Variants in PDE4D observed in about 807,000 individuals in gnomAD.
PDE4D encodes phosphodiesterase 4D, also known as 3',5'-cyclic-AMP phosphodiesterase 4D.
Under a neutral mutation model 87.4 loss-of-function variants are expected in PDE4D, and 24 were observed. That is an observed-to-expected ratio of 0.27 (90% CI 0.20 to 0.39). The LOEUF (loss-of-function observed/expected upper bound fraction) is 0.39, where lower values mean the gene tolerates loss of function less well. Ranked by LOEUF, PDE4D falls within the 10% of genes least tolerant of loss-of-function variation. PDE4D has a pLI of 1.00. For synonymous variants in PDE4D, 384 were observed against 383.2 expected (o/e 1.00, Z -0.02); for missense variants, 714 against 1,041.0 (o/e 0.69, Z 4.32).
At chr5:59,829,262 T>G (rs1423588872) in intron 1 of PDE4D, among the ~76,000 whole-genome samples, 5 of 152,070 alleles carry the variant, frequency 3.3e-5, no homozygotes, top group Admixed American at 6.6e-5. Flanking sequence ...GATACTTTTT[T>G]TGGTTTATTT....
At chr5:59,559,539 A>G (rs1234279205) in intron 1 of PDE4D, among the ~76,000 whole-genome samples, 1 of 152,314 alleles carries the variant, frequency 6.6e-6, no homozygotes, top group East Asian at 1.9e-4. Context: ...TCTTGGATAT[A>G]AGCCACAGAT....
At chr5:60,023,104 C>T (rs894454709) in intron 2 of PDE4D, among the ~76,000 whole-genome samples, 8 of 152,092 alleles carry the variant, frequency 5.3e-5, no homozygotes, top group African/African-American at 9.7e-5. Context: ...CTTGTTTGTA[C>T]GACCTCTCTG....
chr5:59,006,577 G>T (rs529224565), intron 6 of PDE4D, among the ~76,000 whole-genome samples: 2 of 150,344 alleles, frequency 1.3e-5, no homozygotes, highest in Non-Finnish European at 3.0e-5. Flanking sequence ...GCAAGACCTT[G>T]TCTCAAAAAA....
chr5:59,481,838 A>G (rs1804314533), intron 1 of PDE4D, among the ~76,000 whole-genome samples: 1 of 152,056 alleles, frequency 6.6e-6, no homozygotes, highest in South Asian at 2.1e-4. Flanking sequence ...TACAACCTCC[A>G]AAAAATGTCT....
intron 1 of PDE4D, among the ~76,000 whole-genome samples, chr5:60,278,102 T>C (rs1751553737): frequency 2.6e-5 from 4 of 152,208 alleles, no homozygotes; most frequent in Admixed American, 2.6e-4. Flanking sequence ...GCCATTCTTT[T>C]ACAGCAGATC....
rs60232413 is a variant in PDE4D, at chr5:60,322,367, TACACACACACACACACAC to T, written c.-89-136698_-89-136681del. 7.8e-4 allele frequency among the ~76,000 whole-genome samples: 104 copies of T among 132,814 alleles called. 1 individual carries two copies. Among genetic ancestry groups the T allele is most frequent in the African/African-American group, 2.1e-3 (77 of 36,840 alleles). The allele number at this position is 132,814 out of a possible 152,430, so 87.1% of individuals were successfully genotyped here. A position where few individuals can be genotyped will look rare whatever the true frequency, so the allele number is the denominator to read the frequency against. ...AACATTGAATATATATGGACACACA[TACACACACACACACACAC>T]ACACACACACACACACACACACACA... On this transcript the variant is annotated intron_variant, in intron 1 of 16. Coordinates refer to the PDE4D transcript ENST00000502484.
At chr5:59,544,270 C>A (rs1433818057) in intron 1 of PDE4D, among the ~76,000 whole-genome samples, 1 of 152,200 alleles carries the variant, frequency 6.6e-6, no homozygotes, top group African/African-American at 2.4e-5. Flanking sequence ...TAGTTCTACC[C>A]ATGCCAGAGG....
At chr5:60,022,179 AT>A (rs10709843) in intron 2 of PDE4D, among the ~76,000 whole-genome samples, 75,809 of 151,932 alleles carry the variant, frequency 0.5, 19,419 homozygotes, top group East Asian at 0.82. Flanking sequence ...TTTAAAGGTC[AT>A]TTTTTGTAGC....
At chr5:59,552,878 A>G (rs1818346247) in intron 1 of PDE4D, among the ~76,000 whole-genome samples, 1 of 152,196 alleles carries the variant, frequency 6.6e-6, no homozygotes, top group African/African-American at 2.4e-5. Context: ...AGATTGGTTG[A>G]GGGACTTCCT....
intron 1 of PDE4D, among the ~76,000 whole-genome samples, chr5:60,470,525 T>C (rs1747733677): frequency 6.6e-6 from 1 of 152,314 alleles, no homozygotes; most frequent in Admixed American, 6.5e-5. Flanking sequence ...GGACTTGCAT[T>C]GCTAAAGAGA....
intron 1 of PDE4D, among the ~76,000 whole-genome samples, chr5:60,344,447 T>C (rs1441775124): frequency 6.6e-6 from 1 of 152,108 alleles, no homozygotes; most frequent in Non-Finnish European, 1.5e-5. Flanking sequence ...CAATCTCTTA[T>C]AGAGTAGAAA....
intron 1 of PDE4D, among the ~76,000 whole-genome samples, chr5:60,318,603 G>A (rs1388711096): frequency 6.6e-6 from 1 of 152,194 alleles, no homozygotes; most frequent in Non-Finnish European, 1.5e-5. Context: ...AATTTGGCAT[G>A]TTTTTGCAGT....
At chr5:59,464,275 G>T (rs151100631) in intron 1 of PDE4D, among the ~76,000 whole-genome samples, 2,817 of 152,264 alleles carry the variant, frequency 0.019, 87 homozygotes, top group African/African-American at 0.065. Flanking sequence ...CAAGAGGAAG[G>T]CATCTGTCTC....
intron 3 of PDE4D, among the ~76,000 whole-genome samples, chr5:59,901,188 T>C (rs1752221440): frequency 6.6e-6 from 1 of 152,184 alleles, no homozygotes; most frequent in Non-Finnish European, 1.5e-5. Flanking sequence ...CTCGTCAAGC[T>C]AAGTCCAAAA....
In PDE4D at chr5:59,446,728, G is replaced by T. The variant is rs111702501; in HGVS notation, c.456-230760C>A. On this transcript the variant is annotated intron_variant, in intron 1 of 14. Coordinates refer to ENST00000340635, the MANE Select transcript of PDE4D (RefSeq NM_001104631.2). ...TACGGAGCTCCCCACAGGCATCATT[G>T]AGAAAGGCTCAAACTCCATTACATT... Among the ~76,000 whole-genome samples, 11 of 152,296 alleles carry T rather than the reference G, an allele frequency of 7.2e-5. 2 individuals are homozygous for T. Among genetic ancestry groups the T allele is most frequent in the African/African-American group, 2.6e-4 (11 of 41,556 alleles).
At chr5:60,309,041 A>T (rs1417340558) in intron 1 of PDE4D, among the ~76,000 whole-genome samples, 5 of 152,082 alleles carry the variant, frequency 3.3e-5, no homozygotes. Context: ...CTAAAAGTAC[A>T]TGGCTTTCTG....
chr5:59,775,217 CATATT>C (rs1341735707), intron 1 of PDE4D, among the ~76,000 whole-genome samples: 4 of 152,096 alleles, frequency 2.6e-5, no homozygotes, highest in African/African-American at 7.2e-5. Flanking sequence ...AAATGTTTAA[CATATT>C]ATAATACCCT....
intron 2 of PDE4D, among the ~76,000 whole-genome samples, chr5:59,999,132 AAG>A (rs1763794035): frequency 6.6e-6 from 1 of 152,214 alleles, no homozygotes; most frequent in Non-Finnish European, 1.5e-5. Flanking sequence ...CAGATGAGAA[AAG>A]GCATTTCACG....
intron 11 of PDE4D, among the ~76,000 whole-genome samples, chr5:58,983,398 T>A (rs1267858802): frequency 6.6e-6 from 1 of 152,246 alleles, no homozygotes; most frequent in Non-Finnish European, 1.5e-5. Context: ...ATTACACTAC[T>A]TTTATTTGAT....
Sources: allele counts gnomAD v4.1 joint callset (sites outside exome capture counted in the v4.1 genomes callset), GRCh38; gene constraint gnomAD v4.1.1; transcripts MANE v1.5; gene names NCBI Gene and HGNC (gene_info 2026-07-23, HGNC 2026-07-21).